DENND4C: variants seen among roughly 807,000 people sequenced by gnomAD.
The protein encoded by DENND4C is DENN domain containing 4C.
In DENND4C, 108 loss-of-function variants were observed where a neutral mutation model predicts 203.0. The ratio of observed to expected loss-of-function variants is 0.53; its 90% confidence interval spans 0.46 to 0.62. The LOEUF (loss-of-function observed/expected upper bound fraction) is 0.62, where lower values mean the gene tolerates loss of function less well. DENND4C is among the 20% of genes least tolerant of loss of function. The pLI is 0.00. For missense variants in DENND4C, 2,481 were observed against 2,301.2 expected (o/e 1.08, Z -1.60); for synonymous variants, 871 against 792.4 (o/e 1.10, Z -1.67).
Position 19,332,548 on chromosome 9 carries a change from A to G in DENND4C, c.2460+364A>G, listed in dbSNP as rs1251196134. 2.1e-5 allele frequency among the ~76,000 whole-genome samples: 3 copies of G among 144,428 alleles called. No individual in the cohort carries two copies. In the Admixed American group the frequency reaches 2.1e-4, roughly 10 times the overall value. The allele number at this position is 144,428 out of a possible 152,430, so 94.8% of individuals were successfully genotyped here. On this transcript the variant is annotated intron_variant, in intron 17 of 32. Coordinates refer to ENST00000434457, the MANE Select transcript of DENND4C (RefSeq NM_001330640.2). ...TTTTTTTTTTTTTTGTATTTTTAAT[A>G]GAGATGGGGTCTCACCGTGTTGGCC...
intron 1 of DENND4C, among the ~76,000 whole-genome samples, chr9:19,241,545 C>CCT (rs1564077579): frequency 6.7e-6 from 1 of 149,766 alleles, no homozygotes; most frequent in East Asian, 2.0e-4. Context: ...ACTTTTTTGT[C>CCT]GGAAATGAAA....
Position 19,298,078 on chromosome 9 carries a change from A to G in DENND4C, c.1063A>G (p.Asn355Asp). The G allele has an allele frequency of 1.9e-6, 3 of 1,610,546 alleles. No homozygotes were observed. The highest frequency in any genetic ancestry group is 2.5e-6 in the Non-Finnish European group (3 of 1,178,284). The change falls in exon 7 of 33, where the codon AAC becomes GAC. Residue 355 changes from asparagine (N) to aspartate (D), a missense_variant. Physicochemically the swap from Asn to Asp is conservative, Grantham distance 23 (BLOSUM62 1). This residue lies in a region of DENND4C where 2,289 missense variants were observed against 2,113.3 expected (regional missense o/e 1.08). Coordinates refer to ENST00000434457, the MANE Select transcript of DENND4C (RefSeq NM_001330640.2). ...TAGGCACATTTCACATTTTATGCAAAACATCCCTTTTCCTTCACCACAAAG... is the reference window on the plus strand; with the variant it reads ...TAGGCACATTTCACATTTTATGCAAGACATCCCTTTTCCTTCACCACAAAG... ...IEKHISHFMQ[N>D]IPFPSPQRPR...
chr9:19,289,510 T>C (rs1030331334), intron 4 of DENND4C, among the ~76,000 whole-genome samples: 3 of 152,078 alleles, frequency 2.0e-5, no homozygotes, highest in African/African-American at 7.2e-5. Context: ...ACGACTAACG[T>C]ATAAAATTCA....
chr9:19,293,361 GT>G (rs1836758550), intron 5 of DENND4C, among the ~76,000 whole-genome samples: 1 of 152,178 alleles, frequency 6.6e-6, no homozygotes, highest in African/African-American at 2.4e-5. Flanking sequence ...GGAATATTGT[GT>G]GTATAAAGGC....
At chr9:19,272,866 C>T (rs561827281) in intron 1 of DENND4C, among the ~76,000 whole-genome samples, 4 of 151,218 alleles carry the variant, frequency 2.6e-5, no homozygotes, top group African/African-American at 9.7e-5. Context: ...CTCCCGGGTT[C>T]AAGTGATTCT....
intron 1 of DENND4C, among the ~76,000 whole-genome samples, chr9:19,251,601 C>T (rs1826612734): frequency 6.6e-6 from 1 of 152,178 alleles, no homozygotes; most frequent in African/African-American, 2.4e-5. Context: ...TTATGCTCTG[C>T]TTCCCCTGTA....
chr9:19,251,868 G>T (rs1275497187), intron 1 of DENND4C, among the ~76,000 whole-genome samples: 1 of 152,148 alleles, frequency 6.6e-6, no homozygotes, highest in Non-Finnish European at 1.5e-5. Context: ...TCAGCATTTT[G>T]GTCAAAGCCA....
chr9:19,353,158 T>C (rs1394690237), intron 26 of DENND4C, among the ~76,000 whole-genome samples: 1 of 152,236 alleles, frequency 6.6e-6, no homozygotes, highest in African/African-American at 2.4e-5. Context: ...CTAGTAGTAT[T>C]CTGTGCAGTG....
chr9:19,346,410 G>C lies in DENND4C; in HGVS notation c.3641G>C (p.Ser1214Thr). The change falls in exon 23 of 33, where the codon AGT (serine) becomes ACT (threonine). Residue 1214 changes from serine (S) to threonine (T), a missense_variant. Ser to Thr is a moderately conservative substitution (Grantham distance 58). Around this residue, in one of 3 missense-constraint regions of DENND4C, gnomAD observed 2,289 missense variants for 2,113.3 expected, o/e 1.08. Transcript: ENST00000434457. ...GAGAGTCTACTAAGTGATAGTAACA[G>C]TAATCAGTCCAGAGACTTGAAAACA... The part of the protein sequence containing the change: ...TYESLLSDSN[S>T]NQSRDLKTVS... 1 of 1,614,162 alleles carries C rather than the reference G, an allele frequency of 6.2e-7. No individual in the cohort carries two copies. The highest frequency in any genetic ancestry group is 1.1e-5 in the South Asian group (1 of 91,076).
At chr9:19,357,232 C>A (rs36178701) in intron 27 of DENND4C, 78 bp downstream of exon 27, 3 of 1,430,628 alleles carry the variant, frequency 2.1e-6, no homozygotes, top group Admixed American at 1.8e-5. Context: ...TAAAGACAAC[C>A]TGACTCATAT....
At chr9:19,355,086 A>G (rs1231708744) in intron 26 of DENND4C, among the ~76,000 whole-genome samples, 1 of 149,980 alleles carries the variant, frequency 6.7e-6, no homozygotes, top group Non-Finnish European at 1.5e-5. Context: ...ATTTTTTTGT[A>G]TTTTTGGTAG....
rs1438277126 is a variant in DENND4C, at chr9:19,230,779, C to G, written c.-72C>G. On this transcript the variant is annotated 5_prime_UTR_variant, in exon 1 of 33. Coordinates refer to ENST00000434457, the MANE Select transcript of DENND4C (RefSeq NM_001330640.2). Reference sequence around the variant, plus strand: ...GCCCAGTCCGCGAATCCGGTGCTTTCTTGCCCCAGGAAGAAGCCGTGTCGG... The same window carrying G: ...GCCCAGTCCGCGAATCCGGTGCTTTGTTGCCCCAGGAAGAAGCCGTGTCGG... The G allele has an allele frequency of 6.6e-6, 1 of 152,454 alleles. No individual in the cohort carries two copies. Among genetic ancestry groups the G allele is most frequent in the Non-Finnish European group, 1.5e-5 (1 of 68,226 alleles). The allele number at this position is 152,454 out of a possible 1,614,324, so 9.4% of individuals were successfully genotyped here.
At chr9:19,362,676 G>A (rs2132238993) in intron 30 of DENND4C, among the ~76,000 whole-genome samples, 1 of 152,156 alleles carries the variant, frequency 6.6e-6, no homozygotes, top group South Asian at 2.1e-4. Flanking sequence ...AAATTTGGTT[G>A]GCTATTTTGA....
rs1325493027 is a variant in DENND4C at position 19,273,407 on chromosome 9, G to A, written c.-17-2751G>A. 5.3e-5 allele frequency among the ~76,000 whole-genome samples: 8 copies of A among 152,026 alleles called. 1 individual carries two copies. The highest frequency in any genetic ancestry group is 1.7e-4 in the African/African-American group (7 of 41,366). On this transcript the variant is annotated intron_variant, in intron 1 of 32. Transcript: ENST00000434457. ...GGCTGACATGATTTCTTACGACATC[G>A]CAAGCATGATCTGTAAGAGAATAGG... is the stretch of plus-strand genomic sequence containing the variant.
At chr9:19,307,769 CA>C (rs398046460) in intron 10 of DENND4C, among the ~76,000 whole-genome samples, 964 of 89,220 alleles carry the variant, frequency 0.011, 8 homozygotes, top group African/African-American at 0.033. Context: ...GACTCTGTCT[CA>C]AAAAAAAAAA....
intron 9 of DENND4C, among the ~76,000 whole-genome samples, chr9:19,300,772 A>G (rs549906695): frequency 2.0e-5 from 3 of 152,352 alleles, no homozygotes; most frequent in Non-Finnish European, 4.4e-5. Context: ...GAAATAGGAT[A>G]ATATACAGAG....
intron 1 of DENND4C, among the ~76,000 whole-genome samples, chr9:19,241,116 G>A (rs1033237639): frequency 6.6e-6 from 1 of 152,160 alleles, no homozygotes; most frequent in Non-Finnish European, 1.5e-5. Context: ...ATGAGGGGTG[G>A]TGAATGAATG....
intron 1 of DENND4C, among the ~76,000 whole-genome samples, chr9:19,231,133 A>G (rs1384513873): frequency 6.6e-6 from 1 of 152,166 alleles, no homozygotes; most frequent in Non-Finnish European, 1.5e-5. Flanking sequence ...TCGTTTGCGT[A>G]CAAGCGCGAG....
intron 2 of DENND4C, among the ~76,000 whole-genome samples, chr9:19,285,310 A>G (rs1413788951): frequency 6.6e-6 from 1 of 152,142 alleles, no homozygotes; most frequent in Non-Finnish European, 1.5e-5. Flanking sequence ...TGGAGATACA[A>G]TTCACATGTC....
Sources: allele counts gnomAD v4.1 joint callset (sites outside exome capture counted in the v4.1 genomes callset), GRCh38; gene constraint gnomAD v4.1.1; regional missense constraint gnomAD v4.1.1; transcripts MANE v1.5; gene names NCBI Gene and HGNC (gene_info 2026-07-23, HGNC 2026-07-21).